The following DACH2 variants were observed in gnomAD, a reference collection of about 807,000 sequenced individuals.
DACH2 encodes dachshund homolog 2.
In DACH2, 17 loss-of-function variants were observed where a neutral mutation model predicts 35.8. That is an observed-to-expected ratio of 0.48 (90% CI 0.33 to 0.71). The LOEUF is 0.71. Among genes scored for constraint, DACH2 ranks in the 30% least tolerant of loss-of-function variants. The pLI is 0.02. For missense variants in DACH2, 469 were observed against 472.7 expected (o/e 0.99, Z 0.07); for synonymous variants, 195 against 177.3 (o/e 1.10, Z -0.79).
At chrX:86,767,594 T>C (rs2041947357) in intron 7 of DACH2, among the ~76,000 whole-genome samples, 1 of 112,101 alleles carries the variant, frequency 8.9e-6, no homozygotes, top group African/African-American at 3.2e-5. Context: ...ATTTAGACCT[T>C]TTCTGTTATT....
chrX:86,321,060 CT>C (rs1369208953), intron 1 of DACH2, among the ~76,000 whole-genome samples: 1 of 111,692 alleles, frequency 9.0e-6, no homozygotes, highest in African/African-American at 3.3e-5. Flanking sequence ...TCACCTGGTA[CT>C]CTACTTCCTT....
At chrX:86,342,615 T>A (rs569678774) in intron 1 of DACH2, among the ~76,000 whole-genome samples, 4 of 109,526 alleles carry the variant, frequency 3.7e-5, no homozygotes, top group South Asian at 8.2e-4. Context: ...GAGACCAGCT[T>A]GGCCAACATG....
At chrX:86,670,796 A>G (rs185186301) in intron 4 of DACH2, among the ~76,000 whole-genome samples, 1 of 112,210 alleles carries the variant, frequency 8.9e-6, no homozygotes, top group Non-Finnish European at 1.9e-5. Flanking sequence ...ATAAGGACAA[A>G]TTACAGTATG....
chrX:86,284,608 T>A (rs1463697919), intron 1 of DACH2, among the ~76,000 whole-genome samples: 1 of 106,152 alleles, frequency 9.4e-6, no homozygotes, highest in Non-Finnish European at 1.9e-5. Context: ...AGAGTAGTAC[T>A]GGTTTCATAG....
chrX:86,372,148 C>T (rs1225233165), intron 1 of DACH2, among the ~76,000 whole-genome samples: 2 of 111,165 alleles, frequency 1.8e-5, no homozygotes, highest in Non-Finnish European at 3.8e-5. Context: ...TGAGCGTAAT[C>T]AGAATTTGTT....
chrX:86,616,175 A>G (rs1227254464), intron 3 of DACH2, among the ~76,000 whole-genome samples: 1 of 111,575 alleles, frequency 9.0e-6, no homozygotes, highest in African/African-American at 3.3e-5. Context: ...TCTGTCATTG[A>G]TGGACATTTA....
chrX:86,301,790 G>T (rs995437594), intron 1 of DACH2, among the ~76,000 whole-genome samples: 2 of 111,800 alleles, frequency 1.8e-5, no homozygotes, highest in Admixed American at 9.5e-5. Flanking sequence ...CAGTATATTT[G>T]CAGTATATTA....
chrX:86,488,260 G>A (rs1317658571), intron 2 of DACH2, among the ~76,000 whole-genome samples: 3 of 111,478 alleles, frequency 2.7e-5, no homozygotes, highest in African/African-American at 9.7e-5. Context: ...CAGTAAATGT[G>A]GGTTGCAATC....
chrX:86,362,655 G>A (rs2035754385), intron 1 of DACH2, among the ~76,000 whole-genome samples: 1 of 110,913 alleles, frequency 9.0e-6, no homozygotes, highest in South Asian at 3.7e-4. Flanking sequence ...TAAGTGAAAG[G>A]AAAACATACA....
At chrX:86,584,796 T>C (rs1368075900) in intron 3 of DACH2, among the ~76,000 whole-genome samples, 1 of 111,258 alleles carries the variant, frequency 9.0e-6, no homozygotes, top group Non-Finnish European at 1.9e-5. Context: ...ACAAAATAGG[T>C]AGCTTTTCAG....
chrX:86,398,519 G>T (rs2036349288), intron 2 of DACH2, among the ~76,000 whole-genome samples: 2 of 111,533 alleles, frequency 1.8e-5, no homozygotes, highest in Non-Finnish European at 3.8e-5. Context: ...TTTCTCCTGT[G>T]GGCATTTAAT....
At chrX:86,414,714 C>T (rs2036672362) in intron 2 of DACH2, among the ~76,000 whole-genome samples, 1 of 111,645 alleles carries the variant, frequency 9.0e-6, no homozygotes, top group African/African-American at 3.3e-5. Context: ...CGAGATCAGG[C>T]ATTTCCAGCT....
rs759435799 is a variant in DACH2, at chrX:86,563,044, TA to T, written c.640+48654del. On this transcript the variant is annotated intron_variant, in intron 3 of 11. Transcript: ENST00000373125. ...AATTCATGACTATATTTTGCTGCACTAGACTTAGATTGGTCTAGGTTTCTTA... is the reference window on the plus strand; with the variant it reads ...AATTCATGACTATATTTTGCTGCACTGACTTAGATTGGTCTAGGTTTCTTA... Among the ~76,000 whole-genome samples the T allele has an allele frequency of 2.8e-4, 31 of 111,179 alleles. No homozygotes were observed. In the South Asian group the frequency reaches 0.011, roughly 40 times the overall value.
At chrX:86,456,394 A>T (rs759842007) in intron 2 of DACH2, among the ~76,000 whole-genome samples, 4 of 111,848 alleles carry the variant, frequency 3.6e-5, no homozygotes, top group African/African-American at 9.7e-5. Context: ...GTAGAGTTAG[A>T]CATATACATT....
intron 3 of DACH2, among the ~76,000 whole-genome samples, chrX:86,628,993 A>G (rs1168293061): frequency 8.9e-6 from 1 of 112,414 alleles, no homozygotes; most frequent in Non-Finnish European, 1.9e-5. Flanking sequence ...ATTTTAGACT[A>G]AAATATATTA....
At chrX:86,406,597 G>A (rs1184094857) in intron 2 of DACH2, among the ~76,000 whole-genome samples, 2 of 112,196 alleles carry the variant, frequency 1.8e-5, no homozygotes, top group East Asian at 5.6e-4. Context: ...AACTGACATG[G>A]TTTTAGTTTA....
chrX:86,524,731 G>A (rs1236743064), intron 3 of DACH2, among the ~76,000 whole-genome samples: 1 of 110,830 alleles, frequency 9.0e-6, no homozygotes, highest in Non-Finnish European at 1.9e-5. Context: ...AATTTTTTAG[G>A]CTCCTGCCAA....
At chrX:86,494,134 A>G (rs12157022) in intron 2 of DACH2, among the ~76,000 whole-genome samples, 14,877 of 111,636 alleles carry the variant, frequency 0.13, 959 homozygotes, top group Non-Finnish European at 0.2. Context: ...AGTGGCAGTG[A>G]AACCTCTATG....
chrX:86,748,193 G>T (rs770748709), intron 7 of DACH2, among the ~76,000 whole-genome samples: 54 of 111,950 alleles, frequency 4.8e-4, no homozygotes, highest in African/African-American at 1.7e-3. Context: ...CACAAGGGTT[G>T]GAATAAACTT....
Sources: gnomAD v4.1 joint callset for allele counts (sites outside exome capture counted in the v4.1 genomes callset) on GRCh38, gnomAD v4.1.1 for gene constraint, MANE v1.5 for transcripts, NCBI Gene and HGNC (gene_info 2026-07-23, HGNC 2026-07-21) for gene names.